The following FKTN variants were observed in gnomAD, a reference collection of about 807,000 sequenced individuals.
FKTN encodes fukutin.
A neutral mutation model predicts 58.6 loss-of-function variants in FKTN; 47 were observed. The observed-to-expected ratio is 0.80, with a 90% CI of 0.63 to 1.02. The LOEUF (loss-of-function observed/expected upper bound fraction) is 1.02. Ranked by LOEUF, FKTN falls within the 50% of genes least tolerant of loss-of-function variation. The pLI, the probability that FKTN is intolerant of heterozygous loss-of-function variation, is 0.00. For synonymous variants in FKTN, 178 were observed against 191.9 expected (o/e 0.93, Z 0.60); for missense variants, 516 against 537.3 (o/e 0.96, Z 0.39).
chr9:105,589,620 C>T (rs1367928321), intron 3 of FKTN, among the ~76,000 whole-genome samples: 1 of 151,974 alleles, frequency 6.6e-6, no homozygotes, highest in Non-Finnish European at 1.5e-5. Flanking sequence ...ATAAGGTTTA[C>T]AGGGAAGAGA....
intron 4 of FKTN, among the ~76,000 whole-genome samples, chr9:105,599,414 A>G (rs1827430707): frequency 6.8e-6 from 1 of 147,280 alleles, no homozygotes; most frequent in East Asian, 2.0e-4. Flanking sequence ...GTATTTTTGC[A>G]TCTGTGTTCA....
chr9:105,608,836 G>T (rs1235779461), intron 7 of FKTN, among the ~76,000 whole-genome samples: 2 of 151,366 alleles, frequency 1.3e-5, no homozygotes, highest in African/African-American at 2.5e-5. Flanking sequence ...CCAGCCTCAT[G>T]AATAAAAAGC....
At chr9:105,605,537 C>T (rs775781813) in intron 6 of FKTN, among the ~76,000 whole-genome samples, 2 of 152,116 alleles carry the variant, frequency 1.3e-5, no homozygotes, top group African/African-American at 4.8e-5. Flanking sequence ...TACATACACA[C>T]AATGGAGTAC....
At chr9:105,560,254 C>T (rs72746048) in intron 1 of FKTN, among the ~76,000 whole-genome samples, 3,160 of 152,268 alleles carry the variant, frequency 0.021, 48 homozygotes, top group Admixed American at 0.037. Flanking sequence ...GCATCTACAT[C>T]AGTGCTTTTC....
chr9:105,577,440 T>G (rs1203379872), intron 3 of FKTN, among the ~76,000 whole-genome samples: 280 of 144,198 alleles, frequency 1.9e-3, no homozygotes, highest in South Asian at 5.0e-3. Flanking sequence ...TTTCCCCATT[T>G]CTTGTTTTTC....
Position 105,618,129 on chromosome 9 carries a change from A to G in FKTN, c.1044+37A>G, listed in dbSNP as rs768352058. Reference sequence around the variant, plus strand: ...AAGTCGGCTTCATTTCATAAGTAACATATCTCACTTGTAAAGTTTACATTA... The same window carrying G: ...AAGTCGGCTTCATTTCATAAGTAACGTATCTCACTTGTAAAGTTTACATTA... On this transcript the variant is annotated intron_variant, in intron 9 of 10. Coordinates refer to ENST00000357998, the MANE Select transcript of FKTN (RefSeq NM_001079802.2). 7.0e-6 allele frequency: 11 copies of G among 1,569,060 alleles called. No homozygotes were observed. In the Middle Eastern group the frequency reaches 5.0e-4, roughly 71 times the overall value.
intron 1 of FKTN, among the ~76,000 whole-genome samples, chr9:105,569,345 A>C (rs1241547906): frequency 6.6e-6 from 1 of 152,210 alleles, no homozygotes; most frequent in East Asian, 1.9e-4. Context: ...CACTGTAGAA[A>C]GAGCCTGAGA....
At position 105,608,651 on chromosome 9, in the gene FKTN, C is replaced by G. The variant is rs535563764; in HGVS notation, c.780+700C>G. On this transcript the variant is annotated intron_variant, in intron 7 of 10. Coordinates refer to ENST00000357998, the MANE Select transcript of FKTN (RefSeq NM_001079802.2). ...TTTCTGGGGTTCCCTGCCAAGAAAG[C>G]TGTGTCCACGAGGGATACGAAAATG... is the stretch of plus-strand genomic sequence containing the variant. Among the ~76,000 whole-genome samples, 3 of 152,342 alleles carry G rather than the reference C, an allele frequency of 2.0e-5. No individual in the cohort carries two copies. The South Asian group carries it at 6.2e-4, about 32-fold the overall frequency.
intron 3 of FKTN, among the ~76,000 whole-genome samples, chr9:105,579,857 G>T (rs1157090575): frequency 6.6e-6 from 1 of 151,772 alleles, no homozygotes; most frequent in African/African-American, 2.4e-5. Context: ...CTCCTGTATT[G>T]GGTGCATATA....
chr9:105,578,067 A>G (rs927265635), intron 3 of FKTN, among the ~76,000 whole-genome samples: 9 of 152,124 alleles, frequency 5.9e-5, no homozygotes, highest in Admixed American at 2.0e-4. Context: ...AGGAGATTTT[A>G]GGCTGAGACA....
intron 1 of FKTN, among the ~76,000 whole-genome samples, chr9:105,565,204 C>G (rs80315886): frequency 0.025 from 3,865 of 152,142 alleles, 192 homozygotes; most frequent in African/African-American, 0.089. Context: ...ATGCCAGATT[C>G]TAAAGACCAT....
At chr9:105,622,609 G>A (rs1226065476) in intron 10 of FKTN, among the ~76,000 whole-genome samples, 1 of 151,956 alleles carries the variant, frequency 6.6e-6, no homozygotes, top group Admixed American at 6.6e-5. Context: ...AGCTCAGAGT[G>A]AAGTAACTTA....
chr9:105,633,826 A>C (rs1378348854), intron 10 of FKTN, among the ~76,000 whole-genome samples: 1 of 152,188 alleles, frequency 6.6e-6, no homozygotes, highest in Non-Finnish European at 1.5e-5. Flanking sequence ...TTTCTTGGAG[A>C]ACATCCCAGT....
intron 1 of FKTN, among the ~76,000 whole-genome samples, chr9:105,566,709 C>T (rs1044619132): frequency 2.9e-4 from 44 of 152,172 alleles, no homozygotes; most frequent in African/African-American, 1.0e-3. Flanking sequence ...CGAATTCTAC[C>T]AGAGGTACAA....
At chr9:105,588,680 CAG>C (rs1844335436) in intron 3 of FKTN, among the ~76,000 whole-genome samples, 1 of 152,186 alleles carries the variant, frequency 6.6e-6, no homozygotes, top group East Asian at 1.9e-4. Context: ...GTACTGTTGT[CAG>C]AGATATTTTT....
chr9:105,619,684 G>GTCAT (rs748766811), intron 9 of FKTN, among the ~76,000 whole-genome samples: 1 of 151,922 alleles, frequency 6.6e-6, no homozygotes, highest in Non-Finnish European at 1.5e-5. Context: ...ATTACCATAA[G>GTCAT]TCATTTACTC....
chr9:105,639,590 G>A lies in FKTN; in HGVS notation c.*4326G>A, dbSNP rs911426054. ...CTTCAAATGGAATTATAGAAACCAT[G>A]GGTCAGAACATATTCCTTTACTCAA... On this transcript the variant is annotated 3_prime_UTR_variant, in exon 11 of 11. Transcript: ENST00000357998. 3 of 980,650 alleles carry A rather than the reference G, an allele frequency of 3.1e-6. No homozygotes were observed. Among genetic ancestry groups the A allele is most frequent in the Non-Finnish European group, 3.6e-6 (3 of 825,752 alleles). The allele number at this position is 980,650 out of a possible 1,614,324, so 60.7% of individuals were successfully genotyped here. A position where few individuals can be genotyped will look rare whatever the true frequency, so the allele number is the denominator to read the frequency against.
intron 7 of FKTN, among the ~76,000 whole-genome samples, chr9:105,612,562 A>T (rs1830131854): frequency 6.6e-6 from 1 of 152,156 alleles, no homozygotes; most frequent in Non-Finnish European, 1.5e-5. Flanking sequence ...GGATATTTTT[A>T]AATGAAAAAA....
intron 3 of FKTN, among the ~76,000 whole-genome samples, chr9:105,592,636 C>CA (rs1014063288): frequency 2.0e-5 from 3 of 151,248 alleles, no homozygotes; most frequent in South Asian, 2.1e-4. Context: ...AACTCTGTCT[C>CA]AAAAAAAAGA....
Sources: allele counts gnomAD v4.1 joint callset (sites outside exome capture counted in the v4.1 genomes callset), GRCh38; gene constraint gnomAD v4.1.1; transcripts MANE v1.5; gene names NCBI Gene and HGNC (gene_info 2026-07-23, HGNC 2026-07-21).